The following RPA3 variants were observed in gnomAD, a reference collection of about 807,000 sequenced individuals.
RPA3 encodes replication protein A3.
A neutral mutation model predicts 13.7 loss-of-function variants in RPA3; 24 were observed. The observed-to-expected ratio is 1.75, with a 90% CI of 1.27 to 2.46. The LOEUF (loss-of-function observed/expected upper bound fraction) is 2.46. Among genes scored for constraint, RPA3 ranks in the 30% most tolerant of loss-of-function variants. The pLI is 0.00. For synonymous variants in RPA3, 59 were observed against 51.2 expected, an observed-to-expected ratio of 1.15 and a Z score of -0.65; for missense variants, 183 against 151.0, an observed-to-expected ratio of 1.21 and a Z score of -1.11.
intron 4 of RPA3, among the ~76,000 whole-genome samples, chr7:7,670,221 C>A (rs1779572216): frequency 6.6e-6 from 1 of 152,192 alleles, no homozygotes; most frequent in Non-Finnish European, 1.5e-5. Flanking sequence ...ATTAAAACTA[C>A]TTTTGTGATA....
intron 2 of RPA3, among the ~76,000 whole-genome samples, chr7:7,691,333 T>G (rs1336529200): frequency 1.3e-5 from 2 of 152,254 alleles, no homozygotes; most frequent in African/African-American, 4.8e-5. Flanking sequence ...TTTAGATATT[T>G]GTAGTCGTCA....
chr7:7,654,065 A>G (rs1265665459), intron 4 of RPA3, among the ~76,000 whole-genome samples: 1 of 152,204 alleles, frequency 6.6e-6, no homozygotes, highest in Non-Finnish European at 1.5e-5. Context: ...AGCAGTAGAG[A>G]AAAAAGCAGT....
chr7:7,703,288 G>A (rs13234396), intron 2 of RPA3, among the ~76,000 whole-genome samples: 7,665 of 152,094 alleles, frequency 0.05, 246 homozygotes, highest in Middle Eastern at 0.12. Context: ...CCTGAATTAT[G>A]GAATTCGTGT....
intron 2 of RPA3, among the ~76,000 whole-genome samples, chr7:7,710,989 A>C (rs1257103252): frequency 2.0e-5 from 3 of 152,196 alleles, no homozygotes; most frequent in Non-Finnish European, 4.4e-5. Context: ...GAAATGACCA[A>C]ACTGTACACA....
At chr7:7,690,524 G>A (rs1780148318) in intron 2 of RPA3, among the ~76,000 whole-genome samples, 1 of 152,018 alleles carries the variant, frequency 6.6e-6, no homozygotes, top group Non-Finnish European at 1.5e-5. Flanking sequence ...TATAAATTGA[G>A]CTGCAGTTTT....
chr7:7,693,993 T>C (rs1780242730), intron 2 of RPA3, among the ~76,000 whole-genome samples: 1 of 152,218 alleles, frequency 6.6e-6, no homozygotes, highest in Admixed American at 6.5e-5. Context: ...TGTTCTGGAA[T>C]ACTAATGCTT....
intron 5 of RPA3, 26 bp from the exon 6 acceptor site, chr7:7,639,170 T>C (rs1201007037): frequency 6.3e-7 from 1 of 1,579,614 alleles, no homozygotes; most frequent in Non-Finnish European, 8.7e-7. Context: ...ATAATTAAAA[T>C]CTCACTAAAA....
chr7:7,673,238 C>T (rs1359347757), intron 4 of RPA3: 1 of 939,438 alleles, frequency 1.1e-6, no homozygotes, highest in African/African-American at 1.6e-5. Context: ...TTATGCTGAA[C>T]TTTTTGCTAA....
intron 4 of RPA3, chr7:7,641,533 T>A (rs1444777025): frequency 6.6e-6 from 1 of 152,246 alleles, no homozygotes; most frequent in East Asian, 1.9e-4. Context: ...CTTTCTGTCG[T>A]TGCCCTCCAC....
intron 4 of RPA3, among the ~76,000 whole-genome samples, chr7:7,653,556 A>T (rs1324080453): frequency 6.6e-6 from 1 of 152,250 alleles, no homozygotes; most frequent in Non-Finnish European, 1.5e-5. Flanking sequence ...TGCATCACGC[A>T]CTAGGTGATC....
intron 4 of RPA3, among the ~76,000 whole-genome samples, chr7:7,661,482 A>T (rs1288513400): frequency 6.6e-6 from 1 of 152,024 alleles, no homozygotes; most frequent in African/African-American, 2.4e-5. Flanking sequence ...GTGACCTTTC[A>T]GTGGGGTTTC....
intron 2 of RPA3, among the ~76,000 whole-genome samples, chr7:7,703,235 A>G (rs1780512673): frequency 6.6e-6 from 1 of 152,198 alleles, no homozygotes; most frequent in South Asian, 2.1e-4. Context: ...GATTTTAAAA[A>G]TGTGCTTACA....
chr7:7,681,633 C>T (rs758092240), intron 4 of RPA3, among the ~76,000 whole-genome samples: 103 of 152,070 alleles, frequency 6.8e-4, no homozygotes, highest in Admixed American at 3.2e-3. Flanking sequence ...CTCCAGGGTA[C>T]TCATTTTACA....
chr7:7,674,369 C>G (rs1779686518), intron 4 of RPA3, among the ~76,000 whole-genome samples: 1 of 152,166 alleles, frequency 6.6e-6, no homozygotes, highest in Admixed American at 6.5e-5. Flanking sequence ...AGGGATGTTT[C>G]CCTTAGATTT....
At chr7:7,674,768 G>A (rs1187477587) in intron 4 of RPA3, among the ~76,000 whole-genome samples, 1 of 152,142 alleles carries the variant, frequency 6.6e-6, no homozygotes, top group Non-Finnish European at 1.5e-5. Context: ...CTTGAAAGCT[G>A]CCAGTGTTAC....
intron 2 of RPA3, among the ~76,000 whole-genome samples, chr7:7,695,395 TCTC>T (rs1176720348): frequency 6.6e-6 from 1 of 152,184 alleles, no homozygotes; most frequent in African/African-American, 2.4e-5. Flanking sequence ...GAGAGAAAAA[TCTC>T]CTAACCTTGT....
At chr7:7,673,343 CA>C in intron 4 of RPA3, 1 of 1,267,656 alleles carries the variant, frequency 7.9e-7, no homozygotes, top group Non-Finnish European at 1.1e-6. Context: ...GCAGCAGCAG[CA>C]GCAGCAGCAG....
chr7:7,669,381 A>G (rs1262172766), intron 4 of RPA3, among the ~76,000 whole-genome samples: 2 of 152,150 alleles, frequency 1.3e-5, no homozygotes, highest in African/African-American at 2.4e-5. Flanking sequence ...TGTACCCCTC[A>G]TAGAGGGGAG....
chr7:7,672,852 G>A (rs574091306), intron 4 of RPA3, among the ~76,000 whole-genome samples: 4 of 152,194 alleles, frequency 2.6e-5, no homozygotes, highest in Non-Finnish European at 5.9e-5. Context: ...GTAACCATCA[G>A]TAGGGGATGT....
Sources: allele counts gnomAD v4.1 joint callset (sites outside exome capture counted in the v4.1 genomes callset), GRCh38; gene constraint gnomAD v4.1.1; transcripts MANE v1.5; gene names NCBI Gene and HGNC (gene_info 2026-07-23, HGNC 2026-07-21).